Variants in GALNT14 observed in about 807,000 individuals in gnomAD.
GALNT14 encodes the protein polypeptide N-acetylgalactosaminyltransferase 14, also known as UDP-GalNAc:polypeptide N-acetylgalactosaminyltransferase 14.
In GALNT14, 60 loss-of-function variants were observed where a neutral mutation model predicts 77.5. The observed-to-expected ratio is 0.77, with a 90% CI of 0.63 to 0.96. GALNT14 has a LOEUF of 0.96. GALNT14 is among the 40% of genes least tolerant of loss of function. The pLI, the probability that GALNT14 is intolerant of heterozygous loss-of-function variation, is 0.00. For missense variants in GALNT14, 710 were observed against 731.0 expected, an observed-to-expected ratio of 0.97 and a Z score of 0.33; for synonymous variants, 280 against 281.7, an observed-to-expected ratio of 0.99 and a Z score of 0.06.
chr2:30,989,595 T>TAAA (rs1431347563), intron 2 of GALNT14, among the ~76,000 whole-genome samples: 1 of 112,878 alleles, frequency 8.9e-6, no homozygotes, highest in Non-Finnish European at 1.8e-5. Context: ...AATATATATA[T>TAAA]TAGTAGATAT....
chr2:31,116,360 A>G (rs1427282980), intron 1 of GALNT14, among the ~76,000 whole-genome samples: 1 of 152,170 alleles, frequency 6.6e-6, no homozygotes, highest in Non-Finnish European at 1.5e-5. Flanking sequence ...GATTGTATTG[A>G]AAAATAAAAA....
chr2:30,903,414 A>T, the GALNT14 span, among the ~76,000 whole-genome samples: 1 of 152,270 alleles, frequency 6.6e-6, no homozygotes, highest in Non-Finnish European at 1.5e-5. Context: ...CAAGTAATTT[A>T]TAACTGAGAT....
chr2:31,054,889 A>G (rs1674112754), intron 1 of GALNT14, among the ~76,000 whole-genome samples: 1 of 152,240 alleles, frequency 6.6e-6, no homozygotes, highest in Non-Finnish European at 1.5e-5. Flanking sequence ...TTTAGTGGGT[A>G]ACATCTTTCA....
intron 13 of GALNT14, among the ~76,000 whole-genome samples, chr2:30,923,210 A>C (rs1311033328): frequency 6.6e-6 from 1 of 151,222 alleles, no homozygotes; most frequent in Non-Finnish European, 1.5e-5. Flanking sequence ...TTACAGGCGC[A>C]TGCCACCCTG....
chr2:30,982,627 A>G (rs1421006625), intron 2 of GALNT14, among the ~76,000 whole-genome samples: 1 of 152,216 alleles, frequency 6.6e-6, no homozygotes, highest in Non-Finnish European at 1.5e-5. Context: ...CAGCTTTTGA[A>G]GACAAGGTAG....
At chr2:30,925,459 G>C (rs1481996100) in intron 11 of GALNT14, among the ~76,000 whole-genome samples, 1 of 152,178 alleles carries the variant, frequency 6.6e-6, no homozygotes, top group African/African-American at 2.4e-5. Context: ...CTTGCTTGTC[G>C]GGTCCATGGT....
At chr2:30,966,348 G>A (rs1346799847) in intron 2 of GALNT14, 46 bp from the exon 3 acceptor site, 2 of 1,418,790 alleles carry the variant, frequency 1.4e-6, no homozygotes, top group Non-Finnish European at 2.0e-6. Flanking sequence ...CAGGGACAAA[G>A]CATATCTGGA....
chr2:30,943,181 C>T (rs1438438473), intron 8 of GALNT14, among the ~76,000 whole-genome samples: 2 of 152,198 alleles, frequency 1.3e-5, no homozygotes, highest in Admixed American at 6.5e-5. Context: ...TATGCTGTTA[C>T]AGCAGCCCTA....
rs1489872246 is a variant in GALNT14 at position 30,932,129 on chromosome 2, G to A, written c.997C>T (p.His333Tyr). 5 of 1,572,968 alleles carry A rather than the reference G, an allele frequency of 3.2e-6. No homozygotes were observed. The highest frequency in any genetic ancestry group is 4.3e-6 in the Non-Finnish European group (5 of 1,159,138). The change falls in exon 10 of 15, where the codon CAC (histidine) becomes TAC (tyrosine). Residue 333 changes from histidine to tyrosine, a missense_variant. By Grantham distance (83) the His-to-Tyr change is moderately conservative. Transcript: ENST00000349752. ...LEIVPCSRVG[H>Y]VFRKKHPYVF... ...TAGGGGTGCTTCTTCCGGAAGACGTGCCCCACTCGGCTGCAGGGGACGATC... is the reference window on the plus strand; with the variant it reads ...TAGGGGTGCTTCTTCCGGAAGACGTACCCCACTCGGCTGCAGGGGACGATC...
intron 1 of GALNT14, among the ~76,000 whole-genome samples, chr2:31,119,012 T>C (rs1437568593): frequency 1.3e-5 from 2 of 152,096 alleles, no homozygotes; most frequent in African/African-American, 4.8e-5. Context: ...CAAATGACTA[T>C]TCATTTTGGA....
At chr2:30,932,292 A>T in intron 9 of GALNT14, 98 bp from the exon 10 acceptor site, 1 of 1,194,870 alleles carries the variant, frequency 8.4e-7, no homozygotes, top group African/African-American at 1.6e-5. Flanking sequence ...CGCAGAGGCG[A>T]AAGAACAGAC....
intron 13 of GALNT14, among the ~76,000 whole-genome samples, chr2:30,913,854 G>A (rs1293653598): frequency 1.3e-5 from 2 of 152,172 alleles, no homozygotes; most frequent in Admixed American, 6.5e-5. Context: ...GTACATGGGC[G>A]TTCTTTATAC....
chr2:30,947,845 T>A (rs1274120589), intron 6 of GALNT14, among the ~76,000 whole-genome samples: 1 of 152,216 alleles, frequency 6.6e-6, no homozygotes, highest in African/African-American at 2.4e-5. Flanking sequence ...CACATGTGAC[T>A]CATTCTGACA....
intron 1 of GALNT14, among the ~76,000 whole-genome samples, chr2:31,093,235 T>C (rs757089299): frequency 2.6e-5 from 4 of 152,242 alleles, no homozygotes; most frequent in East Asian, 3.9e-4. Context: ...AGAGATGGGA[T>C]GGAGAAAGAG....
At chr2:31,065,677 A>G (rs573857971) in intron 1 of GALNT14, among the ~76,000 whole-genome samples, 75 of 152,260 alleles carry the variant, frequency 4.9e-4, no homozygotes, top group African/African-American at 1.8e-3. Flanking sequence ...GACTGTATTG[A>G]AAAAGTTATG....
chr2:31,090,877 GT>G (rs1323694043), intron 1 of GALNT14, among the ~76,000 whole-genome samples: 3 of 49,542 alleles, frequency 6.1e-5, no homozygotes, highest in Non-Finnish European at 1.5e-4. Context: ...ACTGTGAGAA[GT>G]AAGTAATGCA....
rs1679305893 is a variant in GALNT14, at chr2:31,137,997, C to T, written c.90G>A (p.Lys30=). The change falls in exon 1 of 15, where the codon AAG becomes AAA. Residue 30 remains lysine, a synonymous_variant. Transcript: ENST00000349752. ...VLLFFWVTKR[K]LEVPTGPEVQ... ...CTTCAGGTCCCGTCGGCACCTCCAA[C>T]TTCCTCTTGGTTACCCAGAAGAACA... 1.2e-6 allele frequency: 2 copies of T among 1,613,822 alleles called. No homozygotes were observed. The highest frequency in any genetic ancestry group is 8.5e-7 in the Non-Finnish European group (1 of 1,179,790).
chr2:31,135,832 C>G (rs1201454986), intron 1 of GALNT14, among the ~76,000 whole-genome samples: 6 of 152,178 alleles, frequency 3.9e-5, no homozygotes, highest in Non-Finnish European at 7.3e-5. Flanking sequence ...ATAGCAGCCC[C>G]CAAACCCAGC....
chr2:31,038,970 T>C (rs1385325034), intron 1 of GALNT14, among the ~76,000 whole-genome samples: 1 of 152,072 alleles, frequency 6.6e-6, no homozygotes, highest in Non-Finnish European at 1.5e-5. Flanking sequence ...AGTCTTGAAC[T>C]CCTAGCCTCA....
Sources: allele counts gnomAD v4.1 joint callset (sites outside exome capture counted in the v4.1 genomes callset), GRCh38; gene constraint gnomAD v4.1.1; transcripts MANE v1.5; gene names NCBI Gene and HGNC (gene_info 2026-07-23, HGNC 2026-07-21).